WIPF1: variants seen among roughly 807,000 people sequenced by gnomAD.
WIPF1 encodes the protein WAS/WASL interacting protein family member 1.
WIPF1 carries 13 observed loss-of-function variants against 35.4 expected under a neutral mutation model. That is an observed-to-expected ratio of 0.37 (90% confidence interval 0.24 to 0.58). WIPF1 has a LOEUF of 0.58. Ranked by LOEUF, WIPF1 falls within the 20% of genes least tolerant of loss-of-function variation. WIPF1 has a pLI of 0.74. For missense variants in WIPF1, 591 were observed against 667.0 expected, an observed-to-expected ratio of 0.89 and a Z score of 1.25; for synonymous variants, 267 against 266.3, an observed-to-expected ratio of 1.00 and a Z score of -0.02.
At chr2:174,592,292 T>C (rs1685639230) in intron 1 of WIPF1, among the ~76,000 whole-genome samples, 1 of 152,182 alleles carries the variant, frequency 6.6e-6, no homozygotes, top group South Asian at 2.1e-4. Context: ...TAATCCCAAG[T>C]GGGCAGGGGT....
At chr2:174,674,495 T>C (rs538823312) in intron 1 of WIPF1, among the ~76,000 whole-genome samples, 1 of 152,346 alleles carries the variant, frequency 6.6e-6, no homozygotes, top group South Asian at 2.1e-4. Context: ...TACTTTACTA[T>C]AAACAGAAAT....
At chr2:174,635,521 TTC>T (rs1242907264) in intron 1 of WIPF1, among the ~76,000 whole-genome samples, 3 of 148,146 alleles carry the variant, frequency 2.0e-5, no homozygotes, top group Admixed American at 1.3e-4. Context: ...CACTGGTGCC[TTC>T]TGTTTGTTTT....
chr2:174,652,047 T>A (rs1016712084), intron 1 of WIPF1, among the ~76,000 whole-genome samples: 1 of 152,210 alleles, frequency 6.6e-6, no homozygotes, highest in Non-Finnish European at 1.5e-5. Context: ...ACTTTTTACA[T>A]AGTGGCTCAA....
At chr2:174,595,109 A>AAAAAAAAAAAAAAT (rs1553529785) in intron 1 of WIPF1, among the ~76,000 whole-genome samples, 17 of 57,746 alleles carry the variant, frequency 2.9e-4, no homozygotes, top group Non-Finnish European at 4.7e-4. Context: ...AAAAAAAAAA[A>AAAAAAAAAAAAAAT]ATATATATAT....
intron 1 of WIPF1, among the ~76,000 whole-genome samples, chr2:174,638,364 C>G (rs1455222500): frequency 1.3e-5 from 2 of 152,132 alleles, no homozygotes; most frequent in Non-Finnish European, 2.9e-5. Context: ...GGGTAGTTAG[C>G]ATATCCATTA....
intron 1 of WIPF1, chr2:174,634,435 AT>A (rs879783049): frequency 6.6e-6 from 1 of 152,260 alleles, no homozygotes; most frequent in Non-Finnish European, 1.5e-5. Context: ...CATTAAAGAA[AT>A]CGTTAAAGAC....
At chr2:174,669,319 T>C (rs560690813) in intron 1 of WIPF1, among the ~76,000 whole-genome samples, 2 of 152,220 alleles carry the variant, frequency 1.3e-5, no homozygotes, top group Non-Finnish European at 2.9e-5. Flanking sequence ...TGGCCTCCAA[T>C]ATAAGTGAAG....
intron 1 of WIPF1, chr2:174,655,734 C>T (rs968236375): frequency 2.6e-5 from 4 of 152,490 alleles, no homozygotes; most frequent in Non-Finnish European, 5.9e-5. Flanking sequence ...CCCAGACACC[C>T]AACAGTTTTT....
At chr2:174,643,306 A>G (rs1278539750) in intron 1 of WIPF1, among the ~76,000 whole-genome samples, 1 of 149,478 alleles carries the variant, frequency 6.7e-6, no homozygotes, top group Non-Finnish European at 1.5e-5. Context: ...GTTCCTATTT[A>G]TTTTTGTCTA....
intron 3 of WIPF1, among the ~76,000 whole-genome samples, chr2:174,576,639 A>G (rs1685073798): frequency 6.6e-6 from 1 of 152,132 alleles, no homozygotes; most frequent in African/African-American, 2.4e-5. Flanking sequence ...GATGGGAGGC[A>G]AACAAACAAA....
intron 1 of WIPF1, among the ~76,000 whole-genome samples, chr2:174,591,244 A>G (rs1223232466): frequency 6.6e-6 from 1 of 152,198 alleles, no homozygotes; most frequent in Non-Finnish European, 1.5e-5. Context: ...GAGCTGGGAG[A>G]AAACAAATTT....
At chr2:174,679,204 C>T (rs1688200532) in intron 1 of WIPF1, among the ~76,000 whole-genome samples, 1 of 152,156 alleles carries the variant, frequency 6.6e-6, no homozygotes, top group Non-Finnish European at 1.5e-5. Flanking sequence ...GGTGCGGTGG[C>T]TCACGGCTGT....
At chr2:174,620,871 TAAG>T (rs1197751392) in intron 1 of WIPF1, among the ~76,000 whole-genome samples, 1 of 151,950 alleles carries the variant, frequency 6.6e-6, no homozygotes, top group Non-Finnish European at 1.5e-5. Context: ...TAAGATAAAA[TAAG>T]AAGAATAAGG....
intron 1 of WIPF1, among the ~76,000 whole-genome samples, chr2:174,586,809 A>T (rs910260753): frequency 1.3e-5 from 2 of 152,116 alleles, no homozygotes; most frequent in African/African-American, 4.8e-5. Context: ...GTCAACTCCC[A>T]GTCCCTTTTG....
Position 174,562,529 on chromosome 2 carries a change from G to C in WIPF1, c.*18C>G, listed in dbSNP as rs755133120. 6.2e-7 allele frequency: 1 copy of C among 1,614,210 alleles called. No homozygotes were observed. Among genetic ancestry groups the C allele is most frequent in the Admixed American group, 1.7e-5 (1 of 60,028 alleles). Reference sequence around the variant, plus strand: ...CAGAAGCAGCTCTTGAGCTTGGGTAGAGAAGAGCAGGCAAAGATCACCTCG... The same window carrying C: ...CAGAAGCAGCTCTTGAGCTTGGGTACAGAAGAGCAGGCAAAGATCACCTCG... On this transcript the variant is annotated 3_prime_UTR_variant, in exon 8 of 8. Transcript: ENST00000679041.
chr2:174,584,159 T>C (rs1574806671), intron 2 of WIPF1, among the ~76,000 whole-genome samples: 1 of 152,148 alleles, frequency 6.6e-6, no homozygotes, highest in Non-Finnish European at 1.5e-5. Context: ...AATGAATTAT[T>C]AGAAAAATGA....
chr2:174,675,557 T>C (rs4305238), intron 1 of WIPF1, among the ~76,000 whole-genome samples: 41,687 of 151,934 alleles, frequency 0.27, 6,979 homozygotes, highest in East Asian at 0.68. Flanking sequence ...GTCTGCTATG[T>C]TGCCCAAGCT....
chr2:174,597,912 A>C (rs1447681877), upstream of WIPF1: 1 of 152,612 alleles, frequency 6.6e-6, no homozygotes, highest in African/African-American at 2.4e-5. Context: ...AAGAAAAAAA[A>C]CCTAAATTAA....
intron 3 of WIPF1, among the ~76,000 whole-genome samples, chr2:174,575,614 A>G (rs1685033900): frequency 6.6e-6 from 1 of 151,916 alleles, no homozygotes; most frequent in Admixed American, 6.6e-5. Flanking sequence ...TTGTCCCCAC[A>G]CTCCCCACTT....
Sources: gnomAD v4.1 joint callset for allele counts (sites outside exome capture counted in the v4.1 genomes callset) on GRCh38, gnomAD v4.1.1 for gene constraint, MANE v1.5 for transcripts, NCBI Gene and HGNC (gene_info 2026-07-23, HGNC 2026-07-21) for gene names.